The following AFTPH variants were observed in gnomAD, a reference collection of about 807,000 sequenced individuals.
AFTPH encodes the protein aftiphilin protein.
AFTPH carries 7 observed loss-of-function variants against 72.5 expected under a neutral mutation model. The observed-to-expected ratio is 0.10, with a 90% CI of 0.05 to 0.18. The LOEUF (loss-of-function observed/expected upper bound fraction) is 0.18, where lower values mean the gene tolerates loss of function less well. Ranked by LOEUF, AFTPH falls within the 10% of genes least tolerant of loss-of-function variation. AFTPH has a pLI of 1.00. For synonymous variants in AFTPH, 337 were observed against 370.1 expected (o/e 0.91, Z 1.03); for missense variants, 979 against 1,060.5 (o/e 0.92, Z 1.07).
chr2:64,539,506 A>G (rs1366054314), intron 1 of AFTPH, among the ~76,000 whole-genome samples: 2 of 152,214 alleles, frequency 1.3e-5, no homozygotes, highest in East Asian at 3.9e-4. Context: ...AATCCCACTT[A>G]TTTACCTTGA....
rs1553398362 is a variant in AFTPH, at chr2:64,550,676, T to TGCAC, written c.-32-766_-32-763dup. On this transcript the variant is annotated intron_variant, in intron 1 of 8. Transcript: ENST00000238856. ...TATAAAATTTTTAGAACTGTACGCA[T>TGCAC]GCACACACACACACACACACACACA... 5.0e-4 allele frequency among the ~76,000 whole-genome samples: 38 copies of TGCAC among 75,968 alleles called. No homozygotes were observed. In the East Asian group the frequency reaches 6.4e-3, roughly 13 times the overall value. 49.8% of individuals were successfully genotyped at this position (75,968 alleles called of 152,430 possible).
rs9679330 is a variant in AFTPH, at chr2:64,575,749, T to A, written c.2394+2681T>A. Among the ~76,000 whole-genome samples, 22 of 61,118 alleles carry A rather than the reference T, an allele frequency of 3.6e-4. No individual in the cohort carries two copies. The South Asian group carries it at 4.7e-3, about 13-fold the overall frequency. The allele number at this position is 61,118 out of a possible 152,430, so 40.1% of individuals were successfully genotyped here. A position where few individuals can be genotyped will look rare whatever the true frequency, so the allele number is the denominator to read the frequency against. ...TGTGTGTGTGTGTGTGTGTATATATTTTTTTTGGAGGTAGAGTCTTGCTCT... is the reference window on the plus strand; with the variant it reads ...TGTGTGTGTGTGTGTGTGTATATATATTTTTTGGAGGTAGAGTCTTGCTCT... On this transcript the variant is annotated intron_variant, in intron 6 of 8. Transcript: ENST00000238856.
chr2:64,531,572 G>A (rs1223795223), intron 1 of AFTPH, among the ~76,000 whole-genome samples: 3 of 152,010 alleles, frequency 2.0e-5, no homozygotes, highest in African/African-American at 7.2e-5. Flanking sequence ...AGCTATTTAA[G>A]TATAAAAAAA....
chr2:64,540,993 C>T (rs12473329), intron 1 of AFTPH, among the ~76,000 whole-genome samples: 26,519 of 150,714 alleles, frequency 0.18, 3,081 homozygotes, highest in Non-Finnish European at 0.24. Context: ...CCGTCAATCA[C>T]GTCTAATATT....
chr2:64,564,870 C>T (rs1239081512), intron 2 of AFTPH, among the ~76,000 whole-genome samples: 2 of 149,528 alleles, frequency 1.3e-5, no homozygotes, highest in Non-Finnish European at 3.0e-5. Context: ...CCAAGTCTTG[C>T]TCTGTCACCC....
At chr2:64,557,912 A>T (rs1269505571) in intron 2 of AFTPH, among the ~76,000 whole-genome samples, 1 of 152,214 alleles carries the variant, frequency 6.6e-6, no homozygotes, top group Non-Finnish European at 1.5e-5. Context: ...GCTTTATTAG[A>T]TTTATTCAGA....
At chr2:64,568,301 C>CTG (rs386390339) in intron 3 of AFTPH, among the ~76,000 whole-genome samples, 1 of 117,572 alleles carries the variant, frequency 8.5e-6, no homozygotes, top group African/African-American at 4.1e-5. Context: ...GTATTGTTGA[C>CTG]TCAAGCCACT....
At chr2:64,576,758 T>C (rs554147312) in intron 6 of AFTPH, among the ~76,000 whole-genome samples, 1 of 151,476 alleles carries the variant, frequency 6.6e-6, no homozygotes, top group African/African-American at 2.4e-5. Flanking sequence ...CCATGCTCAC[T>C]TTTTTTTTGT....
At chr2:64,560,370 A>C (rs1018603888) in intron 2 of AFTPH, among the ~76,000 whole-genome samples, 1 of 152,172 alleles carries the variant, frequency 6.6e-6, no homozygotes, top group African/African-American at 2.4e-5. Context: ...CCAGAAACCA[A>C]ATCTGGTTTA....
chr2:64,526,672 AT>A (rs1339000789), intron 1 of AFTPH, among the ~76,000 whole-genome samples: 1 of 152,088 alleles, frequency 6.6e-6, no homozygotes, highest in African/African-American at 2.4e-5. Flanking sequence ...TACATATCTC[AT>A]TTTGCTAATC....
chr2:64,573,073 A>T lies in AFTPH; in HGVS notation c.2394+5A>T. ...TGTACATCTGATCAGTTCCAGGTAA[A>T]AATATCTATATGTGTATAAATATGT... On this transcript the variant is annotated splice_donor_5th_base_variant and intron_variant, in intron 6 of 8. Transcript: ENST00000238856. 1 of 1,611,522 alleles carries T rather than the reference A, an allele frequency of 6.2e-7. No individual in the cohort carries two copies. The highest frequency in any genetic ancestry group is 8.5e-7 in the Non-Finnish European group (1 of 1,177,698).
chr2:64,592,297 C>A, exon 9 of AFTPH: 1 of 255,304 alleles, frequency 3.9e-6, no homozygotes, highest in Non-Finnish European at 7.4e-6. Flanking sequence ...GGGGTGTATA[C>A]ATTTATGTCT....
intron 5 of AFTPH, 125 bp from the exon 6 acceptor site, chr2:64,572,821 A>C: frequency 8.1e-7 from 1 of 1,229,078 alleles, no homozygotes; most frequent in Non-Finnish European, 1.1e-6. Context: ...AAAAAAGACT[A>C]GTTCCTTTTT....
intron 5 of AFTPH, among the ~76,000 whole-genome samples, chr2:64,570,674 CAAG>C (rs994398068): frequency 2.0e-5 from 3 of 152,048 alleles, no homozygotes. Flanking sequence ...CTCTTTTTCT[CAAG>C]GAGTAGCAAT....
At chr2:64,542,247 C>G (rs1184334597) in intron 1 of AFTPH, among the ~76,000 whole-genome samples, 2 of 152,120 alleles carry the variant, frequency 1.3e-5, no homozygotes, top group Non-Finnish European at 2.9e-5. Flanking sequence ...ACACTCCACC[C>G]CCCTCAAATG....
At chr2:64,542,304 G>C (rs1670302365) in intron 1 of AFTPH, among the ~76,000 whole-genome samples, 1 of 152,258 alleles carries the variant, frequency 6.6e-6, no homozygotes, top group Non-Finnish European at 1.5e-5. Context: ...GTGGATGTTG[G>C]GGGTAGGAGG....
At chr2:64,586,998 C>T (rs1044936596) in intron 8 of AFTPH, among the ~76,000 whole-genome samples, 1 of 152,198 alleles carries the variant, frequency 6.6e-6, no homozygotes, top group Non-Finnish European at 1.5e-5. Flanking sequence ...TTTGTTTCCC[C>T]TGCAGTCTCA....
intron 1 of AFTPH, among the ~76,000 whole-genome samples, chr2:64,536,969 AAAAAAAG>A (rs1354215127): frequency 4.6e-5 from 7 of 151,146 alleles, no homozygotes; most frequent in Middle Eastern, 3.4e-3. Flanking sequence ...AAAAAAAAAA[AAAAAAAG>A]AAGAAGAAGA....
At chr2:64,579,410 A>ATTT in intron 6 of AFTPH, 76 bp from the exon 7 acceptor site, 19 of 988,450 alleles carry the variant, frequency 1.9e-5, no homozygotes, top group South Asian at 3.5e-5. Context: ...TCTTGCTATA[A>ATTT]TTTTTTTTTT....
Sources: gnomAD v4.1 joint callset for allele counts (sites outside exome capture counted in the v4.1 genomes callset) on GRCh38, gnomAD v4.1.1 for gene constraint, MANE v1.5 for transcripts, NCBI Gene and HGNC (gene_info 2026-07-23, HGNC 2026-07-21) for gene names.